ATRNL1: variants seen among roughly 807,000 people sequenced by gnomAD.
The protein encoded by ATRNL1 is attractin-like protein 1.
ATRNL1 carries 95 observed loss-of-function variants against 182.7 expected under a neutral mutation model. That is an observed-to-expected ratio of 0.52 (90% CI 0.44 to 0.62). The LOEUF (loss-of-function observed/expected upper bound fraction) is 0.62. Among genes scored for constraint, ATRNL1 ranks in the 20% least tolerant of loss-of-function variants. ATRNL1 has a pLI of 0.00. For missense variants in ATRNL1, 1,471 were observed against 1,679.5 expected, an observed-to-expected ratio of 0.88 and a Z score of 2.17; for synonymous variants, 576 against 568.3, an observed-to-expected ratio of 1.01 and a Z score of -0.19.
chr10:115,337,630 A>G (rs1189121658), intron 19 of ATRNL1, among the ~76,000 whole-genome samples: 3 of 152,160 alleles, frequency 2.0e-5, no homozygotes, highest in African/African-American at 7.2e-5. Flanking sequence ...TCCGCAAATA[A>G]GTGAGAACAT....
intron 10 of ATRNL1, among the ~76,000 whole-genome samples, chr10:115,264,160 G>T (rs1471915706): frequency 6.6e-6 from 1 of 151,256 alleles, no homozygotes; most frequent in Non-Finnish European, 1.5e-5. Flanking sequence ...GTATACATGT[G>T]CCATGTTGGT....
At chr10:115,935,537 A>G (rs189867872) in intron 28 of ATRNL1, among the ~76,000 whole-genome samples, 1 of 152,228 alleles carries the variant, frequency 6.6e-6, no homozygotes, top group African/African-American at 2.4e-5. Flanking sequence ...TATGGCTGCA[A>G]ATGAGCGGAG....
intron 27 of ATRNL1, among the ~76,000 whole-genome samples, chr10:115,846,799 T>A (rs1950938899): frequency 1.3e-5 from 2 of 152,216 alleles, no homozygotes; most frequent in South Asian, 2.1e-4. Flanking sequence ...CATTGTGTGA[T>A]TAAGAATGTG....
At chr10:115,143,194 G>A (rs781840156) in intron 5 of ATRNL1, among the ~76,000 whole-genome samples, 2 of 152,170 alleles carry the variant, frequency 1.3e-5, no homozygotes, top group South Asian at 2.1e-4. Context: ...AAAATTCAGA[G>A]TATCCTGTGC....
At chr10:115,319,261 A>G (rs1431781169) in intron 18 of ATRNL1, among the ~76,000 whole-genome samples, 3 of 152,068 alleles carry the variant, frequency 2.0e-5, no homozygotes, top group African/African-American at 7.2e-5. Flanking sequence ...AGACTTTGTA[A>G]TGATTTCAAT....
At chr10:115,544,700 T>C (rs1336113) in intron 25 of ATRNL1, among the ~76,000 whole-genome samples, 56,256 of 151,988 alleles carry the variant, frequency 0.37, 12,703 homozygotes, top group African/African-American at 0.64. Flanking sequence ...AGATTTGAGT[T>C]GGGACAAATA....
intron 27 of ATRNL1, among the ~76,000 whole-genome samples, chr10:115,788,735 G>T (rs1949454974): frequency 6.6e-6 from 1 of 152,170 alleles, no homozygotes; most frequent in Non-Finnish European, 1.5e-5. Context: ...TAATCCATTT[G>T]GCAGTGTTAG....
At chr10:115,138,549 G>T (rs1845620282) in intron 5 of ATRNL1, among the ~76,000 whole-genome samples, 1 of 152,158 alleles carries the variant, frequency 6.6e-6, no homozygotes, top group Non-Finnish European at 1.5e-5. Context: ...CAAGGCCTGG[G>T]GCTTCCACCC....
intron 26 of ATRNL1, among the ~76,000 whole-genome samples, chr10:115,607,910 G>A (rs948885029): frequency 2.0e-5 from 3 of 151,760 alleles, no homozygotes; most frequent in Non-Finnish European, 4.4e-5. Flanking sequence ...TCTTCCACTG[G>A]AAATATTTTC....
chr10:115,935,144 G>A (rs1555122561), intron 28 of ATRNL1, among the ~76,000 whole-genome samples: 1 of 152,102 alleles, frequency 6.6e-6, no homozygotes, highest in East Asian at 1.9e-4. Flanking sequence ...ACAATTGTTA[G>A]CAAATCTAGG....
chr10:115,617,916 T>G (rs557950390), intron 26 of ATRNL1, among the ~76,000 whole-genome samples: 2 of 152,278 alleles, frequency 1.3e-5, no homozygotes, highest in South Asian at 2.1e-4. Flanking sequence ...GGTGGGGTCT[T>G]GTGGAAGGTT....
chr10:115,836,601 T>C lies in ATRNL1; in HGVS notation c.3904-11276T>C, dbSNP rs534611427. 5.3e-4 allele frequency among the ~76,000 whole-genome samples: 81 copies of C among 152,332 alleles called. No individual in the cohort carries two copies. In the Middle Eastern group the frequency reaches 0.014, roughly 26 times the overall value. ...GATGCATCACTGCAGTCTCTGCCTC[T>C]GTCTTCACATGGTGAACTCTTCGGT... On this transcript the variant is annotated intron_variant, in intron 27 of 28. Coordinates refer to ENST00000355044, the MANE Select transcript of ATRNL1 (RefSeq NM_207303.4).
chr10:115,792,329 A>C (rs1446002597), intron 27 of ATRNL1, among the ~76,000 whole-genome samples: 1 of 151,992 alleles, frequency 6.6e-6, no homozygotes, highest in Non-Finnish European at 1.5e-5. Context: ...TTTTCTTTTT[A>C]TGTTGTTAGA....
At chr10:115,395,753 AATTTT>A (rs1554955365) in intron 20 of ATRNL1, among the ~76,000 whole-genome samples, 2 of 151,666 alleles carry the variant, frequency 1.3e-5, no homozygotes, top group African/African-American at 4.8e-5. Context: ...TTTATTCTAA[AATTTT>A]ATTTTCCTTC....
chr10:115,667,554 A>G (rs11197398), intron 26 of ATRNL1, among the ~76,000 whole-genome samples: 4 of 151,900 alleles, frequency 2.6e-5, no homozygotes, highest in East Asian at 1.9e-4. Flanking sequence ...ATCATTGCTC[A>G]GGGGTTCAAG....
intron 1 of ATRNL1, among the ~76,000 whole-genome samples, chr10:115,102,548 G>T (rs1480925537): frequency 6.6e-6 from 1 of 151,988 alleles, no homozygotes; most frequent in Non-Finnish European, 1.5e-5. Flanking sequence ...GGTTCAAGCG[G>T]TTCTCCTGCC....
chr10:115,813,681 A>G (rs1454225270), intron 27 of ATRNL1, among the ~76,000 whole-genome samples: 5 of 152,182 alleles, frequency 3.3e-5, no homozygotes, highest in African/African-American at 7.2e-5. Context: ...TTAAAACATC[A>G]CGTTAGTGGC....
At chr10:115,212,154 A>G (rs1365244246) in intron 8 of ATRNL1, among the ~76,000 whole-genome samples, 6 of 151,840 alleles carry the variant, frequency 4.0e-5, no homozygotes, top group Non-Finnish European at 8.8e-5. Context: ...TCAGTACCCA[A>G]TAGTTATTCA....
chr10:115,562,534 T>G (rs139271574), intron 26 of ATRNL1, among the ~76,000 whole-genome samples: 192 of 152,296 alleles, frequency 1.3e-3, no homozygotes, highest in African/African-American at 4.3e-3. Flanking sequence ...CCAAATTTCA[T>G]CTTGAATTGT....
Sources: allele counts gnomAD v4.1 joint callset (sites outside exome capture counted in the v4.1 genomes callset), GRCh38; gene constraint gnomAD v4.1.1; transcripts MANE v1.5; gene names NCBI Gene and HGNC (gene_info 2026-07-23, HGNC 2026-07-21).